Variants in GLIS3 observed in about 807,000 individuals in gnomAD.
GLIS3 encodes the protein GLIS family zinc finger 3.
Under a neutral mutation model 78.6 loss-of-function variants are expected in GLIS3, and 53 were observed. The observed-to-expected ratio is 0.67, with a 90% CI of 0.54 to 0.85. The LOEUF (loss-of-function observed/expected upper bound fraction) is 0.85. Among genes scored for constraint, GLIS3 ranks in the 40% least tolerant of loss-of-function variants. The pLI is 0.00. For synonymous variants in GLIS3, 684 were observed against 509.9 expected, an observed-to-expected ratio of 1.34 and a Z score of -4.60; for missense variants, 1,703 against 1,231.1, an observed-to-expected ratio of 1.38 and a Z score of -5.74.
At chr9:4,238,267 C>T (rs1302444942) in intron 2 of GLIS3, among the ~76,000 whole-genome samples, 1 of 150,508 alleles carries the variant, frequency 6.6e-6, no homozygotes, top group Non-Finnish European at 1.5e-5. Flanking sequence ...TAATAGAACT[C>T]AGTATTTAAT....
chr9:3,844,911 A>G (rs376852330), intron 9 of GLIS3, among the ~76,000 whole-genome samples: 3 of 152,204 alleles, frequency 2.0e-5, no homozygotes, highest in African/African-American at 7.2e-5. Flanking sequence ...GTGTGAGGAA[A>G]TGGGCCCTGT....
intron 2 of GLIS3, among the ~76,000 whole-genome samples, chr9:4,245,779 G>C (rs1044146519): frequency 2.0e-5 from 3 of 152,132 alleles, no homozygotes; most frequent in Non-Finnish European, 4.4e-5. Context: ...GTTACTATGT[G>C]TCAATTAAAA....
the GLIS3 span, among the ~76,000 whole-genome samples, chr9:4,461,429 T>C: frequency 2.0e-5 from 3 of 152,232 alleles, no homozygotes; most frequent in African/African-American, 7.2e-5. Context: ...GGTATTAAAA[T>C]TAGTAAAAGT....
chr9:4,098,838 T>C (rs879847222), intron 4 of GLIS3, among the ~76,000 whole-genome samples: 3 of 152,182 alleles, frequency 2.0e-5, no homozygotes, highest in Non-Finnish European at 4.4e-5. Flanking sequence ...AAATTAGTTC[T>C]CACGTACTGC....
rs563524659 is a variant in GLIS3, at chr9:4,273,685, T to C, written c.388+12353A>G. Reference sequence around the variant, plus strand: ...CTTCAACCTCAGAAGTAAATGCCATTTTCTGTTCCACCATCTTACGTGTGC... The same window carrying C: ...CTTCAACCTCAGAAGTAAATGCCATCTTCTGTTCCACCATCTTACGTGTGC... On this transcript the variant is annotated intron_variant, in intron 2 of 10. Transcript: ENST00000381971. Among the ~76,000 whole-genome samples the C allele has an allele frequency of 2.6e-5, 4 of 152,256 alleles. No homozygotes were observed. The East Asian group carries it at 7.7e-4, about 29-fold the overall frequency.
In GLIS3 at chr9:4,261,091, T is replaced by G. The variant is rs376118420; in HGVS notation, c.388+24947A>C. 3.3e-5 allele frequency among the ~76,000 whole-genome samples: 5 copies of G among 152,342 alleles called. No individual in the cohort carries two copies. In the East Asian group the frequency reaches 7.7e-4, roughly 24 times the overall value. On this transcript the variant is annotated intron_variant, in intron 2 of 10. Coordinates refer to ENST00000381971, the MANE Select transcript of GLIS3 (RefSeq NM_001042413.2). ...CCCAAGCAGCAAGTACAAGCTAATC[T>G]TCCTAAATTTTATGGCGTTCCAGAA...
the GLIS3 span, among the ~76,000 whole-genome samples, chr9:4,485,014 G>A: frequency 1.3e-5 from 2 of 150,374 alleles, no homozygotes; most frequent in Non-Finnish European, 3.0e-5. Flanking sequence ...CTTTTTTTGG[G>A]GGGGTGGGGG....
intron 4 of GLIS3, among the ~76,000 whole-genome samples, chr9:4,073,391 G>A (rs1001394274): frequency 3.3e-5 from 5 of 152,088 alleles, no homozygotes; most frequent in African/African-American, 1.2e-4. Flanking sequence ...ATCTTGGATG[G>A]AGCCTAGAAT....
chr9:4,255,140 G>A (rs1179336447), intron 2 of GLIS3, among the ~76,000 whole-genome samples: 3 of 152,086 alleles, frequency 2.0e-5, no homozygotes, highest in African/African-American at 7.2e-5. Context: ...TCAGAGAAAG[G>A]CAAATTAAAA....
intron 2 of GLIS3, among the ~76,000 whole-genome samples, chr9:4,205,499 T>C (rs1819794551): frequency 6.6e-6 from 1 of 152,180 alleles, no homozygotes; most frequent in South Asian, 2.1e-4. Context: ...CTGGAAGATT[T>C]GATGTGAGAA....
chr9:4,214,091 G>T (rs540975834), intron 2 of GLIS3, among the ~76,000 whole-genome samples: 1 of 152,312 alleles, frequency 6.6e-6, no homozygotes, highest in African/African-American at 2.4e-5. Flanking sequence ...CTTTGCCACA[G>T]CCTCTGCTGC....
the GLIS3 span, among the ~76,000 whole-genome samples, chr9:4,455,979 T>A: frequency 6.6e-6 from 1 of 152,166 alleles, no homozygotes; most frequent in East Asian, 1.9e-4. Context: ...CCGGGTGTGG[T>A]GTTGCACACT....
intron 4 of GLIS3, among the ~76,000 whole-genome samples, chr9:4,022,237 G>A (rs1390103772): frequency 2.6e-5 from 4 of 152,174 alleles, no homozygotes; most frequent in Non-Finnish European, 5.9e-5. Context: ...AGCAGCTGAT[G>A]CACACTGCAT....
At chr9:4,313,704 T>TG (rs970548478) in intron 2 of GLIS3, among the ~76,000 whole-genome samples, 15 of 152,348 alleles carry the variant, frequency 9.8e-5, no homozygotes, top group African/African-American at 3.6e-4. Context: ...TCTGCTGAGA[T>TG]GCCCTTCCTG....
At chr9:4,029,240 A>G (rs925133027) in intron 4 of GLIS3, among the ~76,000 whole-genome samples, 1 of 152,058 alleles carries the variant, frequency 6.6e-6, no homozygotes, top group African/African-American at 2.4e-5. Context: ...AAATGTAACA[A>G]TATTTGCCCT....
chr9:4,243,752 G>A (rs866502538), intron 2 of GLIS3, among the ~76,000 whole-genome samples: 2 of 152,152 alleles, frequency 1.3e-5, no homozygotes, highest in African/African-American at 4.8e-5. Flanking sequence ...GCCTGGAATG[G>A]ATTAGGTGTA....
the GLIS3 span, among the ~76,000 whole-genome samples, chr9:4,394,925 A>C: frequency 5.9e-5 from 9 of 152,224 alleles, no homozygotes; most frequent in Non-Finnish European, 1.3e-4. Context: ...TTAGCTATCT[A>C]ATCCATCTGG....
chr9:4,044,137 A>G (rs910769147), intron 4 of GLIS3, among the ~76,000 whole-genome samples: 2 of 152,162 alleles, frequency 1.3e-5, no homozygotes, highest in Non-Finnish European at 2.9e-5. Context: ...TGCCCATCAG[A>G]AAGGACATGG....
At chr9:4,469,207 G>A in the GLIS3 span, among the ~76,000 whole-genome samples, 3 of 152,068 alleles carry the variant, frequency 2.0e-5, no homozygotes, top group Non-Finnish European at 2.9e-5. Flanking sequence ...ACACCCCACT[G>A]TCAACATTAG....
Sources: allele counts gnomAD v4.1 joint callset (sites outside exome capture counted in the v4.1 genomes callset), GRCh38; gene constraint gnomAD v4.1.1; transcripts MANE v1.5; gene names NCBI Gene and HGNC (gene_info 2026-07-23, HGNC 2026-07-21).